The following DENND2B variants were observed in gnomAD, a reference collection of about 807,000 sequenced individuals.
The protein encoded by DENND2B is DENN domain-containing protein 2B.
Under a neutral mutation model 116.0 loss-of-function variants are expected in DENND2B, and 32 were observed. The ratio of observed to expected loss-of-function variants is 0.28; its 90% confidence interval spans 0.21 to 0.37. DENND2B has a LOEUF of 0.37. Among genes scored for constraint, DENND2B ranks in the 10% least tolerant of loss-of-function variants. DENND2B has a pLI of 1.00. For missense variants in DENND2B, 1,276 were observed against 1,477.7 expected, an observed-to-expected ratio of 0.86 and a Z score of 2.24; for synonymous variants, 588 against 583.9, an observed-to-expected ratio of 1.01 and a Z score of -0.10.
chr11:8,895,486 T>C (rs965597452), intron 1 of DENND2B: 19 of 152,260 alleles, frequency 1.2e-4, no homozygotes, highest in African/African-American at 4.6e-4. Flanking sequence ...AATAAGCCAG[T>C]CACGAGAAGA....
At chr11:8,855,769 C>T (rs2063172463) in intron 3 of DENND2B, among the ~76,000 whole-genome samples, 1 of 152,020 alleles carries the variant, frequency 6.6e-6, no homozygotes, top group Non-Finnish European at 1.5e-5. Context: ...AGCTAATTTT[C>T]GTTTGTCTCA....
intron 1 of DENND2B, chr11:8,809,743 G>C (rs1439164444): frequency 6.6e-6 from 1 of 152,156 alleles, no homozygotes; most frequent in Non-Finnish European, 1.5e-5. Flanking sequence ...AATCCACCCG[G>C]CACAACTACA....
chr11:8,892,832 G>C (rs1439008494), intron 1 of DENND2B, among the ~76,000 whole-genome samples: 1 of 152,162 alleles, frequency 6.6e-6, no homozygotes, highest in Non-Finnish European at 1.5e-5. Context: ...GGAGGAGCTG[G>C]TACCATTCCT....
At chr11:8,812,663 C>T (rs950890346), upstream of DENND2B, among the ~76,000 whole-genome samples, 5 of 152,198 alleles carry the variant, frequency 3.3e-5, no homozygotes, top group Non-Finnish European at 7.3e-5. Flanking sequence ...CCACCACTAA[C>T]GGGCCATGTG....
intron 5 of DENND2B, among the ~76,000 whole-genome samples, chr11:8,717,257 C>A (rs1370653395): frequency 6.6e-6 from 1 of 152,220 alleles, no homozygotes; most frequent in Admixed American, 6.5e-5. Context: ...CCAGGTGTCA[C>A]AGACACCTGT....
chr11:8,814,769 G>T (rs1287011598), upstream of DENND2B, among the ~76,000 whole-genome samples: 2 of 152,134 alleles, frequency 1.3e-5, no homozygotes, highest in African/African-American at 2.4e-5. Context: ...CTTTGTGCAG[G>T]GCCCAGCTCA....
chr11:8,788,570 T>C (rs542097116), intron 1 of DENND2B, among the ~76,000 whole-genome samples: 2 of 152,294 alleles, frequency 1.3e-5, no homozygotes, highest in South Asian at 4.1e-4. Flanking sequence ...CTTCACAGAA[T>C]TGTGCACCAT....
intron 1 of DENND2B, among the ~76,000 whole-genome samples, chr11:8,761,995 AC>A (rs1435575937): frequency 2.6e-5 from 4 of 152,052 alleles, no homozygotes; most frequent in African/African-American, 9.6e-5. Context: ...CTCAACTTCA[AC>A]ACCTCCTCCC....
At chr11:8,718,235 T>C in intron 4 of DENND2B, 1 of 975,062 alleles carries the variant, frequency 1.0e-6, no homozygotes, top group South Asian at 1.4e-5. Flanking sequence ...ACAAGAGTCT[T>C]TCCTTGGCTC....
At position 8,697,620 on chromosome 11, in the gene DENND2B, G is replaced by C; in HGVS notation, c.2957C>G (p.Thr986Arg). 6.2e-7 allele frequency: 1 copy of C among 1,613,870 alleles called. No individual in the cohort carries two copies. Among genetic ancestry groups the C allele is most frequent in the Non-Finnish European group, 8.5e-7 (1 of 1,179,716 alleles). ...RFIRQMDDEDTLLPRKLQAAL... is the reference protein window; with the variant it reads ...RFIRQMDDEDRLLPRKLQAAL... ...TGCCTGTAACTTCCTAGGTAACAAC[G>C]TGTCTTCGTCGTCCATCTGCAGGAG... Residue 986 changes from threonine to arginine, a missense_variant, in exon 17 of 20, where the codon ACG (threonine) becomes AGG (arginine). By Grantham distance (71) the Thr-to-Arg change is moderately conservative. This residue lies in a region of DENND2B where 420 missense variants were observed against 631.1 expected (regional missense o/e 0.67). Coordinates refer to ENST00000313726, the MANE Select transcript of DENND2B (RefSeq NM_213618.2).
chr11:8,761,083 C>T (rs2054541234), intron 1 of DENND2B, among the ~76,000 whole-genome samples: 1 of 152,230 alleles, frequency 6.6e-6, no homozygotes, highest in East Asian at 1.9e-4. Context: ...AATCCCTTTT[C>T]CTGCCAGATG....
At chr11:8,836,023 G>A (rs1222730057) in intron 4 of DENND2B, among the ~76,000 whole-genome samples, 1 of 151,960 alleles carries the variant, frequency 6.6e-6, no homozygotes. Context: ...AGGTCACAGT[G>A]GAGTTAGGGC....
intron 1 of DENND2B, among the ~76,000 whole-genome samples, chr11:8,789,125 G>A (rs1430049933): frequency 6.6e-6 from 1 of 152,184 alleles, no homozygotes; most frequent in Non-Finnish European, 1.5e-5. Context: ...AAGCATTTAT[G>A]GAGGAAATGG....
intron 1 of DENND2B, chr11:8,785,625 G>C (rs1296701154): frequency 6.6e-6 from 1 of 152,182 alleles, no homozygotes; most frequent in Non-Finnish European, 1.5e-5. Context: ...GTCATTTCCA[G>C]ATCATGAGCA....
intron 2 of DENND2B, among the ~76,000 whole-genome samples, chr11:8,746,397 G>A (rs1158702017): frequency 6.6e-6 from 1 of 152,216 alleles, no homozygotes; most frequent in Non-Finnish European, 1.5e-5. Flanking sequence ...CATTTGTAAT[G>A]TAAGTTACTG....
chr11:8,772,203 A>G (rs1393408652), intron 1 of DENND2B, among the ~76,000 whole-genome samples: 2 of 151,766 alleles, frequency 1.3e-5, no homozygotes, highest in Non-Finnish European at 2.9e-5. Flanking sequence ...GCTGTTCCTG[A>G]GTTGTATCCT....
intron 1 of DENND2B, among the ~76,000 whole-genome samples, chr11:8,895,145 A>G (rs2064084076): frequency 6.6e-6 from 1 of 152,196 alleles, no homozygotes; most frequent in South Asian, 2.1e-4. Flanking sequence ...AAACTATCAC[A>G]AAGACAAAAA....
chr11:8,750,566 C>T (rs1019164136), intron 2 of DENND2B, 55 bp downstream of exon 2: 3 of 1,473,046 alleles, frequency 2.0e-6, no homozygotes, highest in African/African-American at 1.4e-5. Context: ...TGGAGGGATC[C>T]CACCCAGGAC....
chr11:8,820,638 G>T (rs2061726110), intron 4 of DENND2B, among the ~76,000 whole-genome samples: 1 of 152,034 alleles, frequency 6.6e-6, no homozygotes, highest in Non-Finnish European at 1.5e-5. Flanking sequence ...GAACCAAAAA[G>T]GTTTCTCAAA....
Sources: allele counts gnomAD v4.1 joint callset (sites outside exome capture counted in the v4.1 genomes callset), GRCh38; gene constraint gnomAD v4.1.1; regional missense constraint gnomAD v4.1.1; transcripts MANE v1.5; gene names NCBI Gene and HGNC (gene_info 2026-07-23, HGNC 2026-07-21).